The following ZNF69 variants were observed in gnomAD, a reference collection of about 807,000 sequenced individuals.
The protein encoded by ZNF69 is zinc finger protein 69.
Under a neutral mutation model 50.9 loss-of-function variants are expected in ZNF69, and 47 were observed. The observed-to-expected ratio is 0.92, with a 90% confidence interval of 0.73 to 1.18. The LOEUF (loss-of-function observed/expected upper bound fraction) is 1.18, where lower values mean the gene tolerates loss of function less well. ZNF69 is among the 50% of genes most tolerant of loss of function. The pLI is 0.00. For missense variants in ZNF69, 717 were observed against 675.1 expected (o/e 1.06, Z -0.69); for synonymous variants, 216 against 223.1 (o/e 0.97, Z 0.29).
At chr19:11,966,105 G>C in the ZNF69 span, among the ~76,000 whole-genome samples, 1 of 152,144 alleles carries the variant, frequency 6.6e-6, no homozygotes, top group South Asian at 2.1e-4. Flanking sequence ...GAATTCCAAG[G>C]CATGACTTAC....
intron 1 of ZNF69, among the ~76,000 whole-genome samples, chr19:11,901,852 A>T (rs1181483121): frequency 1.3e-5 from 2 of 151,980 alleles, no homozygotes; most frequent in Non-Finnish European, 2.9e-5. Flanking sequence ...AAGAAATTTT[A>T]CATGTACAGT....
chr19:11,934,564 T>C, the ZNF69 span, among the ~76,000 whole-genome samples: 2 of 147,962 alleles, frequency 1.4e-5, 1 homozygote, highest in African/African-American at 5.3e-5. Flanking sequence ...TTCGCTTTTG[T>C]TTCCCTGGCT....
At chr19:11,964,596 C>T in the ZNF69 span, among the ~76,000 whole-genome samples, 1 of 152,092 alleles carries the variant, frequency 6.6e-6, no homozygotes, top group African/African-American at 2.4e-5. Context: ...GGCCATGCCT[C>T]ATTCCCAATT....
chr19:11,909,851 T>C (rs1478437585), downstream of ZNF69, among the ~76,000 whole-genome samples: 3 of 150,734 alleles, frequency 2.0e-5, no homozygotes, highest in African/African-American at 7.3e-5. Context: ...AACTAAAGGG[T>C]ATTCAAGTAG....
rs572172001 is a variant in ZNF69 at position 11,897,644 on chromosome 19, G to A, written c.64-5929G>A. Among the ~76,000 whole-genome samples, 45 of 150,944 alleles carry A rather than the reference G, an allele frequency of 3.0e-4. No homozygotes were observed. In the East Asian group the frequency reaches 6.6e-3, roughly 22 times the overall value. On this transcript the variant is annotated intron_variant, in intron 1 of 3. Transcript: ENST00000429654. ...TCCCAGCACTCTGGGAGGCCGAGGC[G>A]GGTGGATCACAAGGTCAGGAGATCG... is the stretch of plus-strand genomic sequence containing the variant.
At chr19:11,900,737 T>G (rs1972226716) in intron 1 of ZNF69, among the ~76,000 whole-genome samples, 1 of 152,224 alleles carries the variant, frequency 6.6e-6, no homozygotes, top group Non-Finnish European at 1.5e-5. Flanking sequence ...CTTGATCAGA[T>G]AGGTGTCTTG....
the ZNF69 span, among the ~76,000 whole-genome samples, chr19:11,971,785 C>T: frequency 3.9e-5 from 6 of 152,080 alleles, no homozygotes; most frequent in South Asian, 4.1e-4. Context: ...AATTTGTGGC[C>T]GGGCGCGGTG....
At chr19:11,926,092 G>T in the ZNF69 span, among the ~76,000 whole-genome samples, 1 of 152,034 alleles carries the variant, frequency 6.6e-6, no homozygotes, top group Non-Finnish European at 1.5e-5. Context: ...AAGGAAGGGG[G>T]TCTGTTATCT....
the ZNF69 span, among the ~76,000 whole-genome samples, chr19:11,919,671 A>T: frequency 6.6e-6 from 1 of 152,258 alleles, no homozygotes; most frequent in African/African-American, 2.4e-5. Context: ...GATCACATAC[A>T]TTTATAAAGG....
the ZNF69 span, among the ~76,000 whole-genome samples, chr19:11,960,564 G>C: frequency 6.6e-6 from 1 of 151,740 alleles, no homozygotes; most frequent in Non-Finnish European, 1.5e-5. Context: ...AAGGTGCTAG[G>C]ATTGCAGACA....
At chr19:11,894,497 A>G (rs279196) in intron 1 of ZNF69, among the ~76,000 whole-genome samples, 5,299 of 152,248 alleles carry the variant, frequency 0.035, 338 homozygotes, top group African/African-American at 0.12. Context: ...TGGAAACTTC[A>G]AAGGGTATTG....
chr19:11,913,330 T>C lies in ZNF69; in HGVS notation c.449-79T>C, dbSNP rs566914518. On this transcript the variant is annotated intron_variant, in intron 4 of 4. Transcript: ENST00000340180. ...TAAAATGCCAGGCATCTTTTTTTTTTCGGAAATTTTACTTTTCATGCTTAT... is the reference window on the plus strand; with the variant it reads ...TAAAATGCCAGGCATCTTTTTTTTTCCGGAAATTTTACTTTTCATGCTTAT... 2.4e-4 allele frequency: 134 copies of C among 549,914 alleles called. 1 individual carries two copies. The South Asian group carries it at 3.1e-3, about 13-fold the overall frequency. The allele number at this position is 549,914 out of a possible 1,614,324, so 34.1% of individuals were successfully genotyped here.
At chr19:11,948,958 G>A in the ZNF69 span, 3 of 1,608,162 alleles carry the variant, frequency 1.9e-6, no homozygotes, top group Non-Finnish European at 2.5e-6. Flanking sequence ...CAAAGAATGT[G>A]GAAAAGCATT....
chr19:11,953,117 A>T, the ZNF69 span: 1 of 152,240 alleles, frequency 6.6e-6, no homozygotes, highest in Non-Finnish European at 1.5e-5. Flanking sequence ...GTGCACCTGG[A>T]TCTAACCCCT....
At chr19:11,942,238 CT>C in the ZNF69 span, among the ~76,000 whole-genome samples, 4 of 151,058 alleles carry the variant, frequency 2.6e-5, no homozygotes, top group Non-Finnish European at 5.9e-5. Context: ...TTCCCCTGGA[CT>C]TCCCCTCCTG....
chr19:11,917,434 A>G (rs953051835), downstream of ZNF69, among the ~76,000 whole-genome samples: 2 of 152,112 alleles, frequency 1.3e-5, no homozygotes, highest in African/African-American at 2.4e-5. Flanking sequence ...TTCACACACT[A>G]CCTAGGAGTG....
exon 5 of ZNF69, chr19:11,913,580 A>G (rs867532466): frequency 4.3e-5 from 15 of 346,402 alleles, no homozygotes; most frequent in Middle Eastern, 7.7e-4. Flanking sequence ...TAGTAGAGAC[A>G]GGGTTTCACC....
At chr19:11,911,064 A>T (rs1302648132), downstream of ZNF69, among the ~76,000 whole-genome samples, 1 of 152,212 alleles carries the variant, frequency 6.6e-6, no homozygotes, top group Non-Finnish European at 1.5e-5. Context: ...CAACAGACAC[A>T]TGAAAAAATG....
At chr19:11,939,436 CTACATAT>C in the ZNF69 span, among the ~76,000 whole-genome samples, 1 of 152,158 alleles carries the variant, frequency 6.6e-6, no homozygotes, top group African/African-American at 2.4e-5. Context: ...TTTCAGCTTT[CTACATAT>C]GGCTAGCCAG....
Sources: gnomAD v4.1 joint callset for allele counts (sites outside exome capture counted in the v4.1 genomes callset) on GRCh38, gnomAD v4.1.1 for gene constraint, MANE v1.5 for transcripts, NCBI Gene and HGNC (gene_info 2026-07-23, HGNC 2026-07-21) for gene names.